ADORA2B: variants seen among roughly 807,000 people sequenced by gnomAD.
The protein encoded by ADORA2B is adenosine A2b receptor.
Under a neutral mutation model 20.8 loss-of-function variants are expected in ADORA2B, and 18 were observed. That is an observed-to-expected ratio of 0.87 (90% CI 0.60 to 1.29). ADORA2B has a LOEUF of 1.29. ADORA2B is among the 50% of genes most tolerant of loss of function. ADORA2B has a pLI of 0.00. For synonymous variants in ADORA2B, 179 were observed against 178.3 expected (o/e 1.00, Z -0.03); for missense variants, 441 against 422.7 (o/e 1.04, Z -0.38).
the ADORA2B span, among the ~76,000 whole-genome samples, chr17:15,894,503 T>TG: frequency 1.3e-5 from 2 of 152,156 alleles, no homozygotes; most frequent in African/African-American, 4.8e-5. Context: ...ATGCAGTTAG[T>TG]GGGGCCAGGG....
intron 1 of ADORA2B, among the ~76,000 whole-genome samples, chr17:15,955,134 G>A (rs949607673): frequency 6.6e-6 from 1 of 152,062 alleles, no homozygotes; most frequent in East Asian, 1.9e-4. Flanking sequence ...GAACTGTGTG[G>A]GTTCACTTAA....
chr17:15,970,490 T>TA (rs1001556674), intron 1 of ADORA2B, among the ~76,000 whole-genome samples: 10 of 152,056 alleles, frequency 6.6e-5, no homozygotes, highest in East Asian at 1.9e-4. Context: ...AAAATCGCTT[T>TA]AAAAAAAAGA....
intron 1 of ADORA2B, among the ~76,000 whole-genome samples, chr17:15,960,004 G>A (rs184752215): frequency 3.0e-4 from 46 of 152,218 alleles, no homozygotes; most frequent in African/African-American, 1.1e-3. Flanking sequence ...TTTCCTCCGG[G>A]CACGGTGGCT....
At chr17:15,870,655 A>C in the ADORA2B span, among the ~76,000 whole-genome samples, 5 of 151,844 alleles carry the variant, frequency 3.3e-5, no homozygotes, top group African/African-American at 1.2e-4. Flanking sequence ...CGTTGCAGGC[A>C]AATTGTTTTT....
At chr17:15,880,789 C>T in the ADORA2B span, among the ~76,000 whole-genome samples, 7 of 152,286 alleles carry the variant, frequency 4.6e-5, no homozygotes, top group South Asian at 2.1e-4. Flanking sequence ...AGCCTAGCAG[C>T]GCCAGGGTTC....
At chr17:15,861,098 C>T in the ADORA2B span, 2 of 152,198 alleles carry the variant, frequency 1.3e-5, no homozygotes, top group Admixed American at 1.3e-4. Context: ...CAATTGACTT[C>T]GACAAATACT....
the ADORA2B span, among the ~76,000 whole-genome samples, chr17:15,892,448 T>A: frequency 3.6e-4 from 55 of 151,900 alleles, 1 homozygote; most frequent in African/African-American, 1.3e-3. Flanking sequence ...GGATTACAGG[T>A]GTTAGCCACC....
intron 1 of ADORA2B, among the ~76,000 whole-genome samples, chr17:15,950,574 A>G (rs140592859): frequency 1.1e-4 from 17 of 152,192 alleles, no homozygotes; most frequent in African/African-American, 3.6e-4. Flanking sequence ...CTCGTTGAAC[A>G]TGTTCTCTCA....
the ADORA2B span, among the ~76,000 whole-genome samples, chr17:15,882,426 G>T: frequency 6.6e-6 from 1 of 152,168 alleles, no homozygotes; most frequent in African/African-American, 2.4e-5. Flanking sequence ...CCAGTTAAAG[G>T]TTCTTGGCCG....
chr17:15,862,203 T>G, the ADORA2B span, among the ~76,000 whole-genome samples: 36 of 129,710 alleles, frequency 2.8e-4, no homozygotes, highest in East Asian at 1.7e-3. Flanking sequence ...TTTCTTTTCT[T>G]TTCTTTTCTT....
the ADORA2B span, among the ~76,000 whole-genome samples, chr17:15,917,377 G>T: frequency 3.7e-4 from 57 of 152,228 alleles, no homozygotes; most frequent in African/African-American, 1.3e-3. Context: ...TCGGAGTCTC[G>T]AGGGGCACGT....
chr17:15,892,804 A>C, the ADORA2B span, among the ~76,000 whole-genome samples: 1 of 152,132 alleles, frequency 6.6e-6, no homozygotes, highest in African/African-American at 2.4e-5. Flanking sequence ...GGAATTTAGC[A>C]CAGTACACAA....
chr17:15,858,213 C>T, the ADORA2B span, among the ~76,000 whole-genome samples: 4 of 152,240 alleles, frequency 2.6e-5, no homozygotes, highest in Non-Finnish European at 4.4e-5. Context: ...CACCATTGTA[C>T]GCTCTCATGA....
the ADORA2B span, among the ~76,000 whole-genome samples, chr17:15,875,645 C>T: frequency 0.023 from 3,438 of 152,290 alleles, 57 homozygotes; most frequent in Non-Finnish European, 0.033. Context: ...TGCTATGGCA[C>T]GATCTCGGTT....
the ADORA2B span, among the ~76,000 whole-genome samples, chr17:15,874,138 A>C: frequency 1.3e-5 from 2 of 148,738 alleles, no homozygotes; most frequent in African/African-American, 2.5e-5. Context: ...ACACACACAC[A>C]CCATGGAATG....
the ADORA2B span, among the ~76,000 whole-genome samples, chr17:15,917,562 C>T: frequency 2.5e-3 from 386 of 152,330 alleles, 4 homozygotes; most frequent in African/African-American, 8.9e-3. Context: ...GCCCTGCCCC[C>T]GCAGGCACTG....
At chr17:15,912,385 A>T in the ADORA2B span, among the ~76,000 whole-genome samples, 17 of 70,014 alleles carry the variant, frequency 2.4e-4, no homozygotes, top group African/African-American at 1.3e-3. Flanking sequence ...GTATCAAATT[A>T]AAAAAAAAAA....
At chr17:15,945,672 G>C (rs1017829077) in intron 1 of ADORA2B, 89 bp downstream of exon 1, 135 of 1,300,424 alleles carry the variant, frequency 1.0e-4, no homozygotes, top group Non-Finnish European at 1.3e-4. Flanking sequence ...TCCCTCGGGG[G>C]CCCCAGACGG....
the ADORA2B span, chr17:15,858,766 G>A: frequency 8.6e-5 from 14 of 162,736 alleles, no homozygotes; most frequent in East Asian, 3.5e-4. Context: ...GTGTGCAGTC[G>A]GCCAGCAAAG....
Sources: allele counts gnomAD v4.1 joint callset (sites outside exome capture counted in the v4.1 genomes callset), GRCh38; gene constraint gnomAD v4.1.1; transcripts MANE v1.5; gene names NCBI Gene and HGNC (gene_info 2026-07-23, HGNC 2026-07-21).